CADM2: variants seen among roughly 807,000 people sequenced by gnomAD.
CADM2 encodes the protein immunoglobulin superfamily member 4D.
A neutral mutation model predicts 49.8 loss-of-function variants in CADM2; 12 were observed. The ratio of observed to expected loss-of-function variants is 0.24; its 90% CI spans 0.15 to 0.39. The LOEUF (loss-of-function observed/expected upper bound fraction) is 0.39, where lower values mean the gene tolerates loss of function less well. CADM2 is among the 10% of genes least tolerant of loss of function. The pLI is 1.00. For missense variants in CADM2, 378 were observed against 492.3 expected, an observed-to-expected ratio of 0.77 and a Z score of 2.20; for synonymous variants, 214 against 175.4, an observed-to-expected ratio of 1.22 and a Z score of -1.74.
intron 1 of CADM2, among the ~76,000 whole-genome samples, chr3:85,475,614 T>C (rs1341806179): frequency 1.3e-5 from 2 of 151,934 alleles, no homozygotes; most frequent in African/African-American, 4.8e-5. Context: ...ATCATTAATC[T>C]TATATAACAA....
intron 1 of CADM2, among the ~76,000 whole-genome samples, chr3:85,178,021 T>C (rs2040831409): frequency 6.6e-6 from 1 of 151,918 alleles, no homozygotes; most frequent in Non-Finnish European, 1.5e-5. Flanking sequence ...ATATTTAATA[T>C]TGGAGATGCA....
intron 8 of CADM2, among the ~76,000 whole-genome samples, chr3:86,046,441 G>T (rs1250482716): frequency 2.0e-5 from 3 of 152,176 alleles, no homozygotes; most frequent in Admixed American, 6.5e-5. Context: ...TTGCCTAGAT[G>T]ATTGCTTCTG....
chr3:85,235,729 G>T (rs993660264), intron 1 of CADM2, among the ~76,000 whole-genome samples: 13 of 151,882 alleles, frequency 8.6e-5, no homozygotes, highest in Admixed American at 8.5e-4. Context: ...TATCTCTAAG[G>T]TTATTTTTAT....
chr3:85,405,843 C>A (rs1576494708), intron 1 of CADM2, among the ~76,000 whole-genome samples: 1 of 151,188 alleles, frequency 6.6e-6, no homozygotes, highest in East Asian at 1.9e-4. Flanking sequence ...TTCCTGACTT[C>A]CAATAATATA....
intron 1 of CADM2, among the ~76,000 whole-genome samples, chr3:85,242,734 C>T (rs1485550798): frequency 6.6e-6 from 1 of 151,646 alleles, no homozygotes; most frequent in Non-Finnish European, 1.5e-5. Context: ...TACAAGATCT[C>T]AGGTCTGACA....
chr3:85,447,214 A>T (rs1217680316), intron 1 of CADM2, among the ~76,000 whole-genome samples: 1 of 151,692 alleles, frequency 6.6e-6, no homozygotes, highest in African/African-American at 2.4e-5. Flanking sequence ...CACAAAACAG[A>T]AATCTACATC....
At chr3:85,183,665 C>T (rs1007701315) in intron 1 of CADM2, among the ~76,000 whole-genome samples, 2 of 152,026 alleles carry the variant, frequency 1.3e-5, no homozygotes, top group Admixed American at 6.6e-5. Context: ...TCTTACTATT[C>T]CATACAAAGT....
chr3:85,474,678 T>G (rs2107615452), intron 1 of CADM2, among the ~76,000 whole-genome samples: 1 of 151,984 alleles, frequency 6.6e-6, no homozygotes, highest in Non-Finnish European at 1.5e-5. Context: ...AGAATAAAAT[T>G]TAAAACCTTG....
intron 1 of CADM2, among the ~76,000 whole-genome samples, chr3:85,120,566 C>T (rs756401936): frequency 2.6e-5 from 4 of 152,042 alleles, no homozygotes; most frequent in Admixed American, 2.0e-4. Context: ...TCTCAGCAAA[C>T]TAACACAGGA....
chr3:85,910,766 C>T (rs1006747855), intron 5 of CADM2, among the ~76,000 whole-genome samples: 7 of 151,936 alleles, frequency 4.6e-5, no homozygotes, highest in African/African-American at 1.7e-4. Flanking sequence ...TCATTTTCCC[C>T]TAATATGTGA....
chr3:86,025,051 T>TTC (rs1733714373), intron 8 of CADM2, among the ~76,000 whole-genome samples: 1 of 151,116 alleles, frequency 6.6e-6, no homozygotes, highest in South Asian at 2.1e-4. Flanking sequence ...ACTAGTTGTT[T>TTC]TTTTTTGTTT....
At chr3:85,541,831 AG>A (rs1381059239) in intron 1 of CADM2, among the ~76,000 whole-genome samples, 1 of 146,540 alleles carries the variant, frequency 6.8e-6, no homozygotes, top group Non-Finnish European at 1.5e-5. Context: ...ACAAAATAAG[AG>A]GCCCCTAAAT....
intron 1 of CADM2, among the ~76,000 whole-genome samples, chr3:85,563,370 G>A (rs995810994): frequency 4.2e-5 from 6 of 141,476 alleles, no homozygotes; most frequent in African/African-American, 1.5e-4. Context: ...CCTAGAAAAT[G>A]ATTCTACGTA....
chr3:85,731,635 C>A (rs2067933789), intron 2 of CADM2, among the ~76,000 whole-genome samples: 1 of 152,018 alleles, frequency 6.6e-6, no homozygotes. Flanking sequence ...TTCATAATGG[C>A]ATTCATATGT....
chr3:85,941,845 C>T (rs1721951043), intron 7 of CADM2, among the ~76,000 whole-genome samples: 1 of 151,972 alleles, frequency 6.6e-6, no homozygotes, highest in Non-Finnish European at 1.5e-5. Flanking sequence ...AATCCAGGGT[C>T]AGTGATACAT....
intron 1 of CADM2, among the ~76,000 whole-genome samples, chr3:85,018,957 G>C (rs2034378220): frequency 6.6e-6 from 1 of 152,056 alleles, no homozygotes. Context: ...TGATCAGCCA[G>C]CAGATGAAAG....
intron 1 of CADM2, among the ~76,000 whole-genome samples, chr3:85,258,828 A>ATG (rs2042948256): frequency 6.6e-6 from 1 of 152,236 alleles, no homozygotes; most frequent in South Asian, 2.1e-4. Flanking sequence ...GCATATATAT[A>ATG]TGTGTGCAAA....
chr3:85,046,320 C>CTTTTTT (rs924286569), intron 1 of CADM2, among the ~76,000 whole-genome samples: 1 of 122,846 alleles, frequency 8.1e-6, no homozygotes, highest in Non-Finnish European at 1.8e-5. Flanking sequence ...TTACAATTTT[C>CTTTTTT]TTTTTTTTTT....
At chr3:84,972,465 G>C (rs891822129) in intron 1 of CADM2, among the ~76,000 whole-genome samples, 10 of 151,996 alleles carry the variant, frequency 6.6e-5, no homozygotes, top group African/African-American at 2.4e-4. Context: ...TTCTTTCTCT[G>C]TCAATGAAGT....
Sources: allele counts gnomAD v4.1 joint callset (sites outside exome capture counted in the v4.1 genomes callset), GRCh38; gene constraint gnomAD v4.1.1; transcripts MANE v1.5; gene names NCBI Gene and HGNC (gene_info 2026-07-23, HGNC 2026-07-21).